PLA2G2D: variants seen among roughly 807,000 people sequenced by gnomAD.
PLA2G2D encodes the protein group IID secretory phospholipase A2.
Under a neutral mutation model 13.9 loss-of-function variants are expected in PLA2G2D, and 17 were observed. The ratio of observed to expected loss-of-function variants is 1.23; its 90% CI spans 0.84 to 1.84. The LOEUF (loss-of-function observed/expected upper bound fraction) is 1.84, where lower values mean the gene tolerates loss of function less well. Among genes scored for constraint, PLA2G2D ranks in the 40% most tolerant of loss-of-function variants. PLA2G2D has a pLI of 0.00. For synonymous variants in PLA2G2D, 83 were observed against 69.3 expected (o/e 1.20, Z -0.98); for missense variants, 194 against 178.7 (o/e 1.09, Z -0.49).
chr1:20,116,068 G>A (rs1444402325), intron 2 of PLA2G2D, among the ~76,000 whole-genome samples: 2 of 152,188 alleles, frequency 1.3e-5, no homozygotes, highest in Admixed American at 1.3e-4. Flanking sequence ...AACGTCCATT[G>A]CAGTGGGGAG....
chr1:20,112,393 TAG>T lies in PLA2G2D; in HGVS notation c.*1719_*1720del, dbSNP rs1402877265. On this transcript the variant is annotated 3_prime_UTR_variant, in exon 4 of 4. Transcript: ENST00000375105. ...GGGTATCCCTACCTGGAGTGGTGCA[TAG>T]AACTGGAATTTGAACCCAGCGCCCA... 1 of 152,126 alleles carries T rather than the reference TAG, an allele frequency of 6.6e-6. No homozygotes were observed. Among genetic ancestry groups the T allele is most frequent in the Non-Finnish European group, 1.5e-5 (1 of 68,066 alleles). The allele number at this position is 152,126 out of a possible 1,614,324, so 9.4% of individuals were successfully genotyped here. A position where few individuals can be genotyped will look rare whatever the true frequency, so the allele number is the denominator to read the frequency against.
In PLA2G2D at chr1:20,118,135, G is replaced by A. The variant is rs553890904; in HGVS notation, c.40+1324C>T. On this transcript the variant is annotated intron_variant, in intron 1 of 3. Coordinates refer to ENST00000375105, the MANE Select transcript of PLA2G2D (RefSeq NM_012400.4). Reference sequence around the variant, plus strand: ...CATGATAAGGAACCCAACTGCAAACGGAGAGTCCACCTTGCAGATCAACCA... The same window carrying A: ...CATGATAAGGAACCCAACTGCAAACAGAGAGTCCACCTTGCAGATCAACCA... Among the ~76,000 whole-genome samples, 6 of 152,250 alleles carry A rather than the reference G, an allele frequency of 3.9e-5. 1 individual carries two copies. The East Asian group carries it at 1.2e-3, about 29-fold the overall frequency.
Position 20,115,529 on chromosome 1 carries a change from A to G in PLA2G2D, c.270T>C (p.Phe90=). 1 of 1,606,698 alleles carries G rather than the reference A, an allele frequency of 6.2e-7. No individual in the cohort carries two copies. Among genetic ancestry groups the G allele is most frequent in the Non-Finnish European group, 8.5e-7 (1 of 1,173,358 alleles). Residue 90 remains phenylalanine (F), a synonymous_variant, in exon 3 of 4, where the codon TTT becomes TTC. Transcript: ENST00000375105. ...SIYKDYYRYN[F]SQGNIHCSDK... ...CACAGCAGTGGATGTTCCCCTGGGA[A>G]AAGTTGTATCTGTAATAGTCCTTGT...
intron 2 of PLA2G2D, 149 bp downstream of exon 2, chr1:20,116,184 G>A: frequency 1.2e-6 from 1 of 847,228 alleles, no homozygotes; most frequent in East Asian, 2.5e-5. Context: ...GGAGGGCTGG[G>A]ACCGTATTGG....
At chr1:20,116,594 T>C (rs776318865) in intron 1 of PLA2G2D, 117 bp from the exon 2 acceptor site, 6 of 888,448 alleles carry the variant, frequency 6.8e-6, no homozygotes, top group East Asian at 2.5e-5. Context: ...CAGATGATGA[T>C]AATAATAAAA....
At chr1:20,116,571 A>C in intron 1 of PLA2G2D, 94 bp from the exon 2 acceptor site, 1 of 1,094,658 alleles carries the variant, frequency 9.1e-7, no homozygotes, top group Admixed American at 1.9e-5. Context: ...TGCCCAGACC[A>C]AATGAGTGAC....
rs2016909922 is a variant in PLA2G2D at position 20,112,719 on chromosome 1, T to A, written c.*1395A>T. On this transcript the variant is annotated 3_prime_UTR_variant, in exon 4 of 4. Transcript: ENST00000375105. Reference sequence around the variant, plus strand: ...CTGTGAGGGAACCAGGAAAACTGGATAGGCCAAGGGGTCAGACCAAGCAGA... The same window carrying A: ...CTGTGAGGGAACCAGGAAAACTGGAAAGGCCAAGGGGTCAGACCAAGCAGA... 6.6e-6 allele frequency: 1 copy of A among 152,158 alleles called. No individual in the cohort carries two copies. Among genetic ancestry groups the A allele is most frequent in the African/African-American group, 2.4e-5 (1 of 41,414 alleles). The allele number at this position is 152,158 out of a possible 1,614,324, so 9.4% of individuals were successfully genotyped here.
chr1:20,115,091 C>T (rs1293606410), intron 3 of PLA2G2D, among the ~76,000 whole-genome samples: 1 of 152,150 alleles, frequency 6.6e-6, no homozygotes, highest in African/African-American at 2.4e-5. Context: ...TTTGCCGATC[C>T]TCGACAGGCT....
chr1:20,114,083 T>G lies in PLA2G2D; in HGVS notation c.*31A>C. 1 of 1,600,326 alleles carries G rather than the reference T, an allele frequency of 6.2e-7. No individual in the cohort carries two copies. Among genetic ancestry groups the G allele is most frequent in the Non-Finnish European group, 8.5e-7 (1 of 1,172,768 alleles). On this transcript the variant is annotated 3_prime_UTR_variant, in exon 4 of 4. Transcript: ENST00000375105. ...CTGAGGTGGGGATGCCAGAGCTCCA[T>G]GCTGAGGAACAGGGTAGAGGGTGTG...
At chr1:20,118,019 A>T (rs2017024133) in intron 1 of PLA2G2D, among the ~76,000 whole-genome samples, 2 of 152,118 alleles carry the variant, frequency 1.3e-5, no homozygotes, top group South Asian at 4.1e-4. Context: ...TAAGACATGT[A>T]CAAGAGAAGA....
Position 20,114,167 on chromosome 1 carries a change from G to T in PLA2G2D, c.385C>A (p.Arg129=). ...LKRNLDTYQK[R]LRFYWRPHCR... Reference sequence around the variant, plus strand: ...TGGGGCCGCCAGTAGAAACGCAGTCGCTTCTGGTAGGTGTCCAGGTTGCGC... The same window carrying T: ...TGGGGCCGCCAGTAGAAACGCAGTCTCTTCTGGTAGGTGTCCAGGTTGCGC... Residue 129 remains arginine, a synonymous_variant, in exon 4 of 4, where the codon CGA becomes AGA. Coordinates refer to ENST00000375105, the MANE Select transcript of PLA2G2D (RefSeq NM_012400.4). 6.2e-7 allele frequency: 1 copy of T among 1,613,986 alleles called. No homozygotes were observed.
At position 20,115,608 on chromosome 1, in the gene PLA2G2D, C is replaced by T. The variant is rs1220529387; in HGVS notation, c.191G>A (p.Cys64Tyr). The T allele has an allele frequency of 6.2e-6, 10 of 1,605,252 alleles. No individual in the cohort carries two copies. Among genetic ancestry groups the T allele is most frequent in the Non-Finnish European group, 8.5e-6 (10 of 1,172,032 alleles). Reference protein sequence around the residue: ...GQPKDATDWCCQTHDCCYDHL... With the variant: ...GQPKDATDWCYQTHDCCYDHL... ...GTCATAGCAGCAGTCATGGGTCTGG[C>T]AGCACCTGGAGCAGACAGGGTGCAC... The change falls in exon 3 of 4, where the codon TGC (cysteine) becomes TAC (tyrosine). Residue 64 changes from cysteine (C) to tyrosine (Y), a missense_variant. Cys to Tyr is a radical substitution (Grantham distance 194). Coordinates refer to ENST00000375105, the MANE Select transcript of PLA2G2D (RefSeq NM_012400.4).
chr1:20,118,629 A>C (rs2017033649), intron 1 of PLA2G2D, among the ~76,000 whole-genome samples: 1 of 152,196 alleles, frequency 6.6e-6, no homozygotes, highest in African/African-American at 2.4e-5. Context: ...GAGTCCCTCT[A>C]ACAGCCCTGT....
intron 2 of PLA2G2D, among the ~76,000 whole-genome samples, chr1:20,115,968 C>T (rs966334709): frequency 5.9e-5 from 9 of 152,074 alleles, no homozygotes; most frequent in Non-Finnish European, 1.0e-4. Flanking sequence ...CTGGCTGGCT[C>T]TCACCGCTCC....
chr1:20,118,548 C>G (rs1376119560), intron 1 of PLA2G2D, among the ~76,000 whole-genome samples: 4 of 152,204 alleles, frequency 2.6e-5, no homozygotes, highest in Non-Finnish European at 5.9e-5. Flanking sequence ...CCACTGCCAT[C>G]TTTCATGCAT....
At position 20,114,171 on chromosome 1, in the gene PLA2G2D, C is replaced by T. The variant is rs747173656; in HGVS notation, c.381G>A (p.Gln127=). 14 of 1,613,116 alleles carry T rather than the reference C, an allele frequency of 8.7e-6. No individual in the cohort carries two copies. The highest frequency in any genetic ancestry group is 1.3e-5 in the African/African-American group (1 of 74,930). ...GCCGCCAGTAGAAACGCAGTCGCTT[C>T]TGGTAGGTGTCCAGGTTGCGCTTCA... ...FCLKRNLDTY[Q]KRLRFYWRPH... is the part of the protein sequence containing the mutation. The change falls in exon 4 of 4, where the codon CAG becomes CAA. Residue 127 remains glutamine, a synonymous_variant. Coordinates refer to ENST00000375105, the MANE Select transcript of PLA2G2D (RefSeq NM_012400.4).
At chr1:20,115,123 G>T (rs957480558) in intron 3 of PLA2G2D, among the ~76,000 whole-genome samples, 2 of 152,164 alleles carry the variant, frequency 1.3e-5, no homozygotes, top group African/African-American at 4.8e-5. Context: ...CAGTGATGAT[G>T]AAAGTAACAG....
intron 2 of PLA2G2D, 56 bp downstream of exon 2, chr1:20,116,277 G>C: frequency 6.5e-7 from 1 of 1,545,810 alleles, no homozygotes; most frequent in Non-Finnish European, 8.9e-7. Flanking sequence ...GGAGAGAAAA[G>C]AAGAGTACCG....
chr1:20,115,651 G>T (rs200219361), intron 2 of PLA2G2D, 38 bp from the exon 3 acceptor site: 1 of 1,297,130 alleles, frequency 7.7e-7, no homozygotes, highest in East Asian at 2.3e-5. Context: ...TGGGTCCCCA[G>T]CCTACTGGGG....
Sources: allele counts gnomAD v4.1 joint callset (sites outside exome capture counted in the v4.1 genomes callset), GRCh38; gene constraint gnomAD v4.1.1; transcripts MANE v1.5; gene names NCBI Gene and HGNC (gene_info 2026-07-23, HGNC 2026-07-21).